Variants in TENM4 observed in about 807,000 individuals in gnomAD.
TENM4 encodes teneurin transmembrane protein 4.
A neutral mutation model predicts 243.3 loss-of-function variants in TENM4; 82 were observed. The ratio of observed to expected loss-of-function variants is 0.34; its 90% CI spans 0.28 to 0.40. TENM4 has a LOEUF of 0.40. TENM4 is among the 10% of genes least tolerant of loss of function. The pLI is 1.00. For missense variants in TENM4, 3,138 were observed against 3,673.3 expected, an observed-to-expected ratio of 0.85 and a Z score of 3.77; for synonymous variants, 1,412 against 1,456.3, an observed-to-expected ratio of 0.97 and a Z score of 0.69.
At position 78,712,705 on chromosome 11, in the gene TENM4, T is replaced by A. The variant is rs201137264; in HGVS notation, c.3831A>T (p.Pro1277=). The stretch of plus-strand genomic sequence containing the variant: ...CTGTGGCCAGGTAGTATTTGTGTGC[T>A]GGACTGTGACTAGAAAACAAAGACA... ...RNKDFRHSHS[P]AHKYYLATDP... The change falls in exon 26 of 34, where the codon CCA becomes CCT. Residue 1277 remains proline (P), a synonymous_variant. Coordinates refer to ENST00000278550, the MANE Select transcript of TENM4 (RefSeq NM_001098816.3). 3.7e-6 allele frequency: 6 copies of A among 1,613,638 alleles called. No individual in the cohort carries two copies. The highest frequency in any genetic ancestry group is 4.2e-6 in the Non-Finnish European group (5 of 1,179,550).
At chr11:78,768,333 T>C (rs1056027777) in intron 18 of TENM4, among the ~76,000 whole-genome samples, 19 of 152,206 alleles carry the variant, frequency 1.2e-4, no homozygotes, top group African/African-American at 4.6e-4. Flanking sequence ...TTTCCAACCA[T>C]GATGACCCAC....
chr11:79,387,823 G>A (rs1858148951), intron 1 of TENM4, among the ~76,000 whole-genome samples: 1 of 152,092 alleles, frequency 6.6e-6, no homozygotes, highest in Admixed American at 6.5e-5. Flanking sequence ...CGGGCAACAT[G>A]GTGAAACTCC....
intron 1 of TENM4, among the ~76,000 whole-genome samples, chr11:79,427,300 AACAG>A (rs1784902363): frequency 6.6e-6 from 1 of 152,244 alleles, no homozygotes; most frequent in African/African-American, 2.4e-5. Flanking sequence ...GAAGAAAATA[AACAG>A]ACAACTACAT....
At chr11:79,069,665 C>G (rs1437515514) in intron 5 of TENM4, 57 bp downstream of exon 5, 5 of 1,503,344 alleles carry the variant, frequency 3.3e-6, no homozygotes, top group Non-Finnish European at 4.5e-6. Context: ...CGAGCCCATG[C>G]CTACCTGAGC....
At chr11:78,902,270 A>T (rs2136325386) in intron 7 of TENM4, among the ~76,000 whole-genome samples, 1 of 152,338 alleles carries the variant, frequency 6.6e-6, no homozygotes, top group South Asian at 2.1e-4. Context: ...TTGTCTTCAT[A>T]GTTTTCTGCA....
intron 16 of TENM4, among the ~76,000 whole-genome samples, chr11:78,779,650 T>C (rs777661172): frequency 6.6e-6 from 1 of 152,162 alleles, no homozygotes; most frequent in Non-Finnish European, 1.5e-5. Flanking sequence ...TCTCTGTCTC[T>C]CCACACCTCC....
intron 6 of TENM4, among the ~76,000 whole-genome samples, chr11:79,060,846 C>T (rs1462626125): frequency 6.6e-6 from 1 of 152,200 alleles, no homozygotes; most frequent in African/African-American, 2.4e-5. Context: ...TGCCTTTGCT[C>T]TACCCCTGAG....
Position 78,855,885 on chromosome 11 carries a change from G to C in TENM4, c.1470+79C>G, listed in dbSNP as rs531146051. On this transcript the variant is annotated intron_variant, in intron 11 of 33. Transcript: ENST00000278550. ...ATGTCCCTTCAGGCTTAAGGCTCTG[G>C]ATTGGGCTTCTTAACTTTGGGTTAA... The C allele has an allele frequency of 3.6e-6, 5 of 1,372,210 alleles. No homozygotes were observed. The African/African-American group carries it at 5.8e-5, about 16-fold the overall frequency. 85.0% of individuals were successfully genotyped at this position (1,372,210 alleles called of 1,614,324 possible).
chr11:78,671,528 G>A (rs1858325426), intron 31 of TENM4, among the ~76,000 whole-genome samples: 1 of 152,206 alleles, frequency 6.6e-6, no homozygotes, highest in Non-Finnish European at 1.5e-5. Flanking sequence ...TCCTATTTGA[G>A]ACCAACTTTT....
chr11:78,976,420 A>G (rs1470373388), intron 6 of TENM4, among the ~76,000 whole-genome samples: 1 of 152,264 alleles, frequency 6.6e-6, no homozygotes, highest in Non-Finnish European at 1.5e-5. Flanking sequence ...AGTTTAAAAA[A>G]AAAACCAGAA....
At chr11:78,981,960 G>GC (rs773239677) in intron 6 of TENM4, among the ~76,000 whole-genome samples, 14 of 152,216 alleles carry the variant, frequency 9.2e-5, no homozygotes, top group East Asian at 1.9e-4. Flanking sequence ...TCTCCTGCAT[G>GC]CCCCGTGTCT....
intron 19 of TENM4, among the ~76,000 whole-genome samples, chr11:78,751,654 T>A (rs1407969311): frequency 6.6e-6 from 1 of 152,126 alleles, no homozygotes; most frequent in Non-Finnish European, 1.5e-5. Context: ...CTGTAACTAT[T>A]CACTGAGGGG....
intron 5 of TENM4, among the ~76,000 whole-genome samples, chr11:79,068,922 AG>A (rs1360604807): frequency 2.6e-5 from 4 of 152,164 alleles, no homozygotes; most frequent in Admixed American, 2.6e-4. Context: ...GCTCAGTTTA[AG>A]GGCAACAGGG....
chr11:78,940,831 C>T (rs1856876095), intron 6 of TENM4, among the ~76,000 whole-genome samples: 1 of 152,190 alleles, frequency 6.6e-6, no homozygotes, highest in African/African-American at 2.4e-5. Context: ...GATTATCTTT[C>T]TGACAAGCCA....
At chr11:78,945,567 A>C (rs1856989031) in intron 6 of TENM4, among the ~76,000 whole-genome samples, 1 of 152,194 alleles carries the variant, frequency 6.6e-6, no homozygotes, top group South Asian at 2.1e-4. Flanking sequence ...TGTGCCTCTC[A>C]CTTTAAATCT....
chr11:79,163,767 A>G (rs748102186), intron 3 of TENM4, among the ~76,000 whole-genome samples: 1 of 124,150 alleles, frequency 8.1e-6, no homozygotes, highest in Non-Finnish European at 1.6e-5. Context: ...GTGTATATAT[A>G]TACACACACA....
At position 78,729,469 on chromosome 11, in the gene TENM4, A is replaced by G. The variant is rs1855600239; in HGVS notation, c.3313T>C (p.Trp1105Arg). Residue 1105 changes from tryptophan (W) to arginine (R), a missense_variant, in exon 22 of 34, where the codon TGG becomes CGG. This residue lies in a region of TENM4 where 2,467 missense variants were observed against 3,059.1 expected (regional missense o/e 0.81). Transcript: ENST00000278550. ...VAVEGRLFRK[W>R]FAAAPDLSYY... ...GACAGGTCTGGGGCTGCAGCGAACC[A>G]CTTCCTGAAGAGGCGGCCCTCCACC... The G allele has an allele frequency of 6.2e-7, 1 of 1,612,450 alleles. No individual in the cohort carries two copies. The highest frequency in any genetic ancestry group is 8.5e-7 in the Non-Finnish European group (1 of 1,179,112).
At chr11:79,422,607 G>A (rs913429511) in intron 1 of TENM4, among the ~76,000 whole-genome samples, 1 of 152,184 alleles carries the variant, frequency 6.6e-6, no homozygotes, top group Non-Finnish European at 1.5e-5. Flanking sequence ...AGAGAAACTC[G>A]CTGGAGAGGC....
At chr11:79,265,554 A>T (rs1472964074) in intron 2 of TENM4, among the ~76,000 whole-genome samples, 1 of 152,024 alleles carries the variant, frequency 6.6e-6, no homozygotes, top group Non-Finnish European at 1.5e-5. Flanking sequence ...GTTTCTGTTC[A>T]TTTTTTTAAA....
Sources: gnomAD v4.1 joint callset for allele counts (sites outside exome capture counted in the v4.1 genomes callset) on GRCh38, gnomAD v4.1.1 for gene constraint, gnomAD v4.1.1 regional missense constraint, MANE v1.5 for transcripts, NCBI Gene and HGNC (gene_info 2026-07-23, HGNC 2026-07-21) for gene names.